Variants in NUCKS1 observed in about 807,000 individuals in gnomAD.
The protein encoded by NUCKS1 is nuclear ubiquitous casein and cyclin-dependent kinase substrate 1.
A neutral mutation model predicts 33.0 loss-of-function variants in NUCKS1; 2 were observed. The ratio of observed to expected loss-of-function variants is 0.06; its 90% CI spans 0.02 to 0.19. The LOEUF is 0.19. Among genes scored for constraint, NUCKS1 ranks in the 10% least tolerant of loss-of-function variants. NUCKS1 has a pLI of 1.00. For synonymous variants in NUCKS1, 106 were observed against 102.8 expected, an observed-to-expected ratio of 1.03 and a Z score of -0.19; for missense variants, 201 against 293.6, an observed-to-expected ratio of 0.68 and a Z score of 2.31.
At chr1:205,743,655 T>C (rs1184269483) in intron 1 of NUCKS1, among the ~76,000 whole-genome samples, 1 of 152,244 alleles carries the variant, frequency 6.6e-6, no homozygotes, top group Non-Finnish European at 1.5e-5. Context: ...ATATTTTTAA[T>C]ACAGTTCTCA....
chr1:205,743,227 TTC>T (rs1192351554), intron 1 of NUCKS1, among the ~76,000 whole-genome samples: 1 of 152,228 alleles, frequency 6.6e-6, no homozygotes, highest in Non-Finnish European at 1.5e-5. Context: ...AAAATTAGCT[TTC>T]TTTCTTAACT....
At chr1:205,725,498 C>T (rs1419563043) in intron 3 of NUCKS1, among the ~76,000 whole-genome samples, 1 of 152,176 alleles carries the variant, frequency 6.6e-6, no homozygotes, top group Non-Finnish European at 1.5e-5. Flanking sequence ...AAACCTGTGA[C>T]TGTTCTGTAT....
chr1:205,748,747 G>A (rs1654393996), intron 1 of NUCKS1, among the ~76,000 whole-genome samples: 1 of 152,126 alleles, frequency 6.6e-6, no homozygotes, highest in Non-Finnish European at 1.5e-5. Flanking sequence ...TCTAATTAAA[G>A]GTACTTCCGT....
At chr1:205,722,555 C>A (rs1447902556) in intron 4 of NUCKS1, among the ~76,000 whole-genome samples, 1 of 151,884 alleles carries the variant, frequency 6.6e-6, no homozygotes, top group Non-Finnish European at 1.5e-5. Context: ...CCGGGCTCAG[C>A]CAAATTTTTG....
At chr1:205,724,439 A>G (rs1267897991) in intron 3 of NUCKS1, among the ~76,000 whole-genome samples, 1 of 152,216 alleles carries the variant, frequency 6.6e-6, no homozygotes, top group Non-Finnish European at 1.5e-5. Context: ...CACGCCTGTA[A>G]TCTCAGCAGT....
intron 2 of NUCKS1, among the ~76,000 whole-genome samples, 194 bp downstream of exon 2, chr1:205,729,378 T>C (rs981546316): frequency 6.6e-6 from 1 of 152,232 alleles, no homozygotes; most frequent in African/African-American, 2.4e-5. Flanking sequence ...TTATTATCAA[T>C]GATTTACCAA....
intron 2 of NUCKS1, among the ~76,000 whole-genome samples, chr1:205,728,621 T>C (rs1254426326): frequency 6.6e-6 from 1 of 152,228 alleles, no homozygotes; most frequent in African/African-American, 2.4e-5. Flanking sequence ...CTCTTCTTCA[T>C]ATCTTTCAGT....
chr1:205,744,156 AAAG>A (rs1175587092), intron 1 of NUCKS1, among the ~76,000 whole-genome samples: 1 of 152,208 alleles, frequency 6.6e-6, no homozygotes, highest in Non-Finnish European at 1.5e-5. Flanking sequence ...AACTTGCTCC[AAAG>A]AAGACAAAAT....
chr1:205,726,717 A>C (rs912758984), intron 3 of NUCKS1, among the ~76,000 whole-genome samples: 1 of 152,248 alleles, frequency 6.6e-6, no homozygotes, highest in Non-Finnish European at 1.5e-5. Context: ...AACTTTGGTT[A>C]AATCACAGAA....
At chr1:205,745,433 G>A (rs187817365) in intron 1 of NUCKS1, among the ~76,000 whole-genome samples, 9 of 152,168 alleles carry the variant, frequency 5.9e-5, no homozygotes, top group Non-Finnish European at 1.2e-4. Context: ...AGGATGCAGT[G>A]AGCCTGTGAT....
chr1:205,714,376 A>AG lies in NUCKS1; in HGVS notation c.*3903dup, dbSNP rs1287670626. 1 of 152,206 alleles carries AG rather than the reference A, an allele frequency of 6.6e-6. No individual in the cohort carries two copies. Among genetic ancestry groups the AG allele is most frequent in the Non-Finnish European group, 1.5e-5 (1 of 68,036 alleles). The allele number at this position is 152,206 out of a possible 1,614,324, so 9.4% of individuals were successfully genotyped here. A position where few individuals can be genotyped will look rare whatever the true frequency, so the allele number is the denominator to read the frequency against. On this transcript the variant is annotated 3_prime_UTR_variant, in exon 7 of 7. Coordinates refer to ENST00000367142, the MANE Select transcript of NUCKS1 (RefSeq NM_022731.5). Reference sequence around the variant, plus strand: ...CGGTGGCATTCTACCAGCCACACAAAGCATGCTCAAACAGATGTCACCAGT... The same window carrying AG: ...CGGTGGCATTCTACCAGCCACACAAAGGCATGCTCAAACAGATGTCACCAGT...
Position 205,718,129 on chromosome 1 carries a change from T to C in NUCKS1, c.*151A>G, listed in dbSNP as rs576043639. ...AGAGAGAGAGAGAGAAATGTTACTTTCAACAAATGGAAAAAAGCACTGAAA... is the reference window on the plus strand; with the variant it reads ...AGAGAGAGAGAGAGAAATGTTACTTCCAACAAATGGAAAAAAGCACTGAAA... On this transcript the variant is annotated 3_prime_UTR_variant, in exon 7 of 7. Coordinates refer to ENST00000367142, the MANE Select transcript of NUCKS1 (RefSeq NM_022731.5). The C allele has an allele frequency of 7.8e-7, 1 of 1,287,294 alleles. No homozygotes were observed. Among genetic ancestry groups the C allele is most frequent in the East Asian group, 3.0e-5 (1 of 33,630 alleles). The allele number at this position is 1,287,294 out of a possible 1,614,324, so 79.7% of individuals were successfully genotyped here. A position where few individuals can be genotyped will look rare whatever the true frequency, so the allele number is the denominator to read the frequency against.
intron 1 of NUCKS1, 70 bp downstream of exon 1, chr1:205,749,887 T>C: frequency 1.3e-6 from 2 of 1,490,456 alleles, no homozygotes; most frequent in Non-Finnish European, 1.9e-6. Context: ...TAGCCTTCTG[T>C]CCCCCACTCT....
chr1:205,727,131 T>G (rs1653800344), intron 3 of NUCKS1, among the ~76,000 whole-genome samples: 1 of 152,088 alleles, frequency 6.6e-6, no homozygotes, highest in Non-Finnish European at 1.5e-5. Context: ...TCCCGGCCAA[T>G]TTTTAAATTT....
chr1:205,739,171 A>G (rs1654105222), intron 1 of NUCKS1, among the ~76,000 whole-genome samples: 1 of 152,234 alleles, frequency 6.6e-6, no homozygotes, highest in South Asian at 2.1e-4. Context: ...ACTTTATTGC[A>G]AGCCATTAAG....
Position 205,715,206 on chromosome 1 carries a change from T to C in NUCKS1, c.*3074A>G, listed in dbSNP as rs533093915. 1.3e-5 allele frequency: 2 copies of C among 152,336 alleles called. No individual in the cohort carries two copies. The highest frequency in any genetic ancestry group is 4.1e-4 in the South Asian group (2 of 4,830). The allele number at this position is 152,336 out of a possible 1,614,324, so 9.4% of individuals were successfully genotyped here. ...ATTTGTTATCTGTAAGAAAATGCTA[T>C]TTGAGCCAGTACCAAATTAAGTATT... On this transcript the variant is annotated 3_prime_UTR_variant, in exon 7 of 7. Transcript: ENST00000367142.
intron 4 of NUCKS1, among the ~76,000 whole-genome samples, chr1:205,721,888 G>A (rs1671924761): frequency 6.6e-6 from 1 of 151,908 alleles, no homozygotes; most frequent in African/African-American, 2.4e-5. Flanking sequence ...TGGTCAGGCT[G>A]GTCTCGAACT....
chr1:205,750,118 T>C lies in NUCKS1; in HGVS notation c.-145A>G. ...GAGCTGCTGGCTTCTCAAACTCCGCTGCTCTTTGGTTCAGGGCTCCTGGAA... is the reference window on the plus strand; with the variant it reads ...GAGCTGCTGGCTTCTCAAACTCCGCCGCTCTTTGGTTCAGGGCTCCTGGAA... On this transcript the variant is annotated 5_prime_UTR_variant, in exon 1 of 7. Transcript: ENST00000367142. 1.3e-6 allele frequency: 1 copy of C among 774,854 alleles called. No homozygotes were observed. The highest frequency in any genetic ancestry group is 2.1e-6 in the Non-Finnish European group (1 of 479,408). The allele number at this position is 774,854 out of a possible 1,614,324, so 48.0% of individuals were successfully genotyped here.
At chr1:205,731,760 C>T (rs1017001848) in intron 1 of NUCKS1, among the ~76,000 whole-genome samples, 3 of 151,880 alleles carry the variant, frequency 2.0e-5, no homozygotes, top group South Asian at 2.1e-4. Flanking sequence ...GGTGTGGTGG[C>T]GGGCGCCTGT....
Sources: gnomAD v4.1 joint callset for allele counts (sites outside exome capture counted in the v4.1 genomes callset) on GRCh38, gnomAD v4.1.1 for gene constraint, MANE v1.5 for transcripts, NCBI Gene and HGNC (gene_info 2026-07-23, HGNC 2026-07-21) for gene names.